VPS13D: variants seen among roughly 807,000 people sequenced by gnomAD.
The protein encoded by VPS13D is intermembrane lipid transfer protein VPS13D.
VPS13D carries 187 observed loss-of-function variants against 461.9 expected under a neutral mutation model. The observed-to-expected ratio is 0.40, with a 90% CI of 0.36 to 0.46. The LOEUF is 0.46. Among genes scored for constraint, VPS13D ranks in the 20% least tolerant of loss-of-function variants. VPS13D has a pLI of 0.60. For synonymous variants in VPS13D, 1,951 were observed against 1,986.3 expected (o/e 0.98, Z 0.47); for missense variants, 4,711 against 5,364.9 (o/e 0.88, Z 3.81).
At chr1:12,258,778 C>T (rs1641004566) in intron 10 of VPS13D, among the ~76,000 whole-genome samples, 1 of 152,194 alleles carries the variant, frequency 6.6e-6, no homozygotes, top group Non-Finnish European at 1.5e-5. Context: ...GGCTCAGGTA[C>T]TGCCCCTTAA....
Position 12,318,303 on chromosome 1 carries a change from T to C in VPS13D, c.7380T>C (p.Asn2460=). 3 of 1,612,644 alleles carry C rather than the reference T, an allele frequency of 1.9e-6. No homozygotes were observed. Among genetic ancestry groups the C allele is most frequent in the Non-Finnish European group, 2.5e-6 (3 of 1,178,682 alleles). The change falls in exon 31 of 70, where the codon AAT becomes AAC. Residue 2460 remains asparagine, a synonymous_variant. Coordinates refer to ENST00000620676, the MANE Select transcript of VPS13D (RefSeq NM_015378.4). ...VTKRSSLPVS[N]ERHLEVKVNV... ...AGCGGTCTTCCCTTCCTGTGTCCAA[T>C]GAAAGGCACCTGGAGGTCAAGGTCA... is the stretch of plus-strand genomic sequence containing the variant.
At position 12,253,765 on chromosome 1, in the gene VPS13D, T is replaced by G; in HGVS notation, c.608T>G (p.Phe203Cys). ...AAAAAGCAATTAGACGTAGCAGAATTTAGCATCTATTGGGATGTCGATTGC... is the reference window on the plus strand; with the variant it reads ...AAAAAGCAATTAGACGTAGCAGAATGTAGCATCTATTGGGATGTCGATTGC... ...MRKKQLDVAE[F>C]SIYWDVDCTL... Residue 203 changes from phenylalanine (F) to cysteine (C), a missense_variant, in exon 7 of 70, where the codon TTT becomes TGT. Around this residue, in one of 3 missense-constraint regions of VPS13D, gnomAD observed 4,411 missense variants for 4,937.8 expected, o/e 0.89. Transcript: ENST00000620676. The G allele has an allele frequency of 6.2e-7, 1 of 1,614,180 alleles. No homozygotes were observed. The highest frequency in any genetic ancestry group is 1.1e-5 in the South Asian group (1 of 91,088).
intron 22 of VPS13D, among the ~76,000 whole-genome samples, chr1:12,290,294 T>G (rs1642088700): frequency 6.6e-6 from 1 of 152,198 alleles, no homozygotes; most frequent in African/African-American, 2.4e-5. Flanking sequence ...ATACCTAACA[T>G]GTTTCTGACA....
chr1:12,401,808 C>T, intron 62 of VPS13D, 104 bp downstream of exon 62: 1 of 819,024 alleles, frequency 1.2e-6, no homozygotes. Context: ...GATAGGCTCC[C>T]TTTCCACATC....
intron 22 of VPS13D, among the ~76,000 whole-genome samples, chr1:12,288,643 A>C (rs1642040972): frequency 6.6e-6 from 1 of 151,052 alleles, no homozygotes; most frequent in African/African-American, 2.4e-5. Flanking sequence ...TGCCCATATA[A>C]CTTTTTTTTG....
intron 46 of VPS13D, among the ~76,000 whole-genome samples, chr1:12,351,970 C>G (rs1643806505): frequency 6.6e-6 from 1 of 151,344 alleles, no homozygotes; most frequent in South Asian, 2.1e-4. Flanking sequence ...ATTTGAAAAT[C>G]AGTAAATGTA....
intron 43 of VPS13D, 40 bp from the exon 44 acceptor site, chr1:12,346,562 ATCT>A: frequency 6.3e-7 from 1 of 1,596,938 alleles, no homozygotes; most frequent in East Asian, 2.2e-5. Context: ...GTTGCTAATT[ATCT>A]TAAGTCTGTG....
At chr1:12,477,305 G>T (rs1254658109) in intron 67 of VPS13D, among the ~76,000 whole-genome samples, 1 of 151,932 alleles carries the variant, frequency 6.6e-6, no homozygotes, top group African/African-American at 2.4e-5. Flanking sequence ...TTTTGCTTGG[G>T]CCTTCGTTAG....
chr1:12,494,979 AC>A (rs1171633469), intron 67 of VPS13D, among the ~76,000 whole-genome samples: 1 of 152,178 alleles, frequency 6.6e-6, no homozygotes, highest in Non-Finnish European at 1.5e-5. Flanking sequence ...CTGCTGCTCT[AC>A]CATAAACCAG....
rs143512518 is a variant in VPS13D, at chr1:12,288,605, CTG to C, written c.5725+296_5725+297del. On this transcript the variant is annotated intron_variant, in intron 22 of 69. Coordinates refer to ENST00000620676, the MANE Select transcript of VPS13D (RefSeq NM_015378.4). ...GTTGAGATGGAGCCCTGGTGTCTAT[CTG>C]TGTTTTCAACAGACTCTATCTAGGG... Among the ~76,000 whole-genome samples the C allele has an allele frequency of 2.1e-3, 314 of 151,562 alleles. 4 individuals are homozygous for C. The highest frequency in any genetic ancestry group is 7.3e-3 in the African/African-American group (302 of 41,266).
intron 54 of VPS13D, among the ~76,000 whole-genome samples, chr1:12,372,119 T>C (rs892261061): frequency 3.3e-5 from 5 of 152,198 alleles, no homozygotes; most frequent in African/African-American, 1.2e-4. Flanking sequence ...AGTGGCACAA[T>C]CTTGGCCTGC....
At chr1:12,339,323 A>G (rs1307465365) in intron 40 of VPS13D, among the ~76,000 whole-genome samples, 2 of 152,246 alleles carry the variant, frequency 1.3e-5, no homozygotes, top group African/African-American at 4.8e-5. Context: ...ACCTCCTAGT[A>G]GCAAACCTAG....
chr1:12,496,010 C>G (rs906329378), intron 67 of VPS13D, among the ~76,000 whole-genome samples: 3 of 152,326 alleles, frequency 2.0e-5, no homozygotes. Flanking sequence ...TACCGCCCTC[C>G]CCACTTTCGA....
chr1:12,262,024 A>G lies in VPS13D; in HGVS notation c.1538A>G (p.Lys513Arg), dbSNP rs140107975. The G allele has an allele frequency of 6.1e-4, 979 of 1,614,140 alleles. 1 individual carries two copies. The highest frequency in any genetic ancestry group is 7.5e-4 in the Non-Finnish European group (884 of 1,180,000). Reference sequence around the variant, plus strand: ...CGAGGTACAGTGACTCTGTTACACAAGGAGCAAGGAACTCCTCAAATGAAT... The same window carrying G: ...CGAGGTACAGTGACTCTGTTACACAGGGAGCAAGGAACTCCTCAAATGAAT... ...LQRGTVTLLH[K>R]EQGTPQMNES... is the part of the protein sequence containing the mutation. Residue 513 changes from lysine (K) to arginine (R), a missense_variant, in exon 13 of 70, where the codon AAG (lysine) becomes AGG (arginine). This residue lies in a region of VPS13D where 4,411 missense variants were observed against 4,937.8 expected (regional missense o/e 0.89). Coordinates refer to ENST00000620676, the MANE Select transcript of VPS13D (RefSeq NM_015378.4).
Position 12,356,051 on chromosome 1 carries a change from A to T in VPS13D, c.9832A>T (p.Ile3278Phe), listed in dbSNP as rs768526254. ...IVCRAEGSLK[I>F]FISAPYWLIN... ...GTGTCGAGCAGAAGGATCCTTAAAG[A>T]TCTTCATTTCTGCTCCATATTGGCT... The change falls in exon 48 of 70, where the codon ATC becomes TTC. Residue 3278 changes from isoleucine to phenylalanine, a missense_variant. Physicochemically the swap from Ile to Phe is conservative, Grantham distance 21. Coordinates refer to ENST00000620676, the MANE Select transcript of VPS13D (RefSeq NM_015378.4). The T allele has an allele frequency of 6.2e-7, 1 of 1,613,780 alleles. No homozygotes were observed. The highest frequency in any genetic ancestry group is 1.1e-5 in the South Asian group (1 of 91,020).
Position 12,396,029 on chromosome 1 carries a change from A to ATATATATATATATATATATATATATT in VPS13D, c.11635-4152_11635-4151insTATATATATATATATATATATATATT, listed in dbSNP as rs1553187933. ...TATATATATATATATATATATATATAGTTCTTTAAGATCAATAAAATTAAT... is the reference window on the plus strand; with the variant it reads ...TATATATATATATATATATATATATATATATATATATATATATATATATATTGTTCTTTAAGATCAATAAAATTAAT... On this transcript the variant is annotated intron_variant, in intron 60 of 69. Coordinates refer to ENST00000620676, the MANE Select transcript of VPS13D (RefSeq NM_015378.4). Among the ~76,000 whole-genome samples, 121 of 119,784 alleles carry ATATATATATATATATATATATATATT rather than the reference A, an allele frequency of 1.0e-3. 12 individuals are homozygous for ATATATATATATATATATATATATATT. The highest frequency in any genetic ancestry group is 3.5e-3 in the African/African-American group (92 of 26,146). The allele number at this position is 119,784 out of a possible 152,430, so 78.6% of individuals were successfully genotyped here. A position where few individuals can be genotyped will look rare whatever the true frequency, so the allele number is the denominator to read the frequency against.
intron 67 of VPS13D, among the ~76,000 whole-genome samples, chr1:12,474,215 C>T (rs77343809): frequency 0.012 from 1,838 of 152,130 alleles, 48 homozygotes; most frequent in African/African-American, 0.042. Flanking sequence ...GACCCTGTAA[C>T]AGCTGATAAA....
rs72869539 is a variant in VPS13D, at chr1:12,511,592, A to G, written c.*2568A>G. 3.2e-4 allele frequency: 49 copies of G among 152,356 alleles called. No individual in the cohort carries two copies. Among genetic ancestry groups the G allele is most frequent in the African/African-American group, 1.1e-3 (46 of 41,582 alleles). 9.4% of individuals were successfully genotyped at this position (152,356 alleles called of 1,614,324 possible). Reference sequence around the variant, plus strand: ...ACAGTTCGTCTCTGAGGAAAGTAAAATAAATGGAATAAGAGTAAATTGGGT... The same window carrying G: ...ACAGTTCGTCTCTGAGGAAAGTAAAGTAAATGGAATAAGAGTAAATTGGGT... On this transcript the variant is annotated 3_prime_UTR_variant, in exon 70 of 70. Transcript: ENST00000620676. The surrounding 1 kb of genome is among the most constrained non-coding windows in gnomAD (Gnocchi z 4.5).
chr1:12,238,023 C>T (rs913448294), intron 2 of VPS13D, among the ~76,000 whole-genome samples: 8 of 151,574 alleles, frequency 5.3e-5, no homozygotes, highest in African/African-American at 1.9e-4. Flanking sequence ...GGGGTGGTGG[C>T]GTGTGCCTGT....
Sources: gnomAD v4.1 joint callset for allele counts (sites outside exome capture counted in the v4.1 genomes callset) on GRCh38, gnomAD v4.1.1 for gene constraint, gnomAD v4.1.1 regional missense constraint, Gnocchi (gnomAD v3.1) non-coding constraint, MANE v1.5 for transcripts, NCBI Gene and HGNC (gene_info 2026-07-23, HGNC 2026-07-21) for gene names.